Variants in TMPRSS12 observed in about 807,000 individuals in gnomAD.
TMPRSS12 encodes transmembrane protease serine 12.
Under a neutral mutation model 26.0 loss-of-function variants are expected in TMPRSS12, and 25 were observed. The observed-to-expected ratio is 0.96, with a 90% CI of 0.70 to 1.34. The LOEUF is 1.34. TMPRSS12 is among the 40% of genes most tolerant of loss of function. TMPRSS12 has a pLI of 0.00. For synonymous variants in TMPRSS12, 150 were observed against 161.7 expected, an observed-to-expected ratio of 0.93 and a Z score of 0.55; for missense variants, 441 against 440.1, an observed-to-expected ratio of 1.00 and a Z score of -0.02.
At chr12:50,850,070 G>A (rs1595597) in intron 2 of TMPRSS12, among the ~76,000 whole-genome samples, 147,685 of 152,258 alleles carry the variant, frequency 0.97, 71,808 homozygotes, top group East Asian at 1. Context: ...TATTATGTGT[G>A]TCACTACTAT....
At chr12:50,873,237 G>A (rs919534984) in intron 3 of TMPRSS12, among the ~76,000 whole-genome samples, 3 of 151,986 alleles carry the variant, frequency 2.0e-5, no homozygotes, top group African/African-American at 7.3e-5. Context: ...AGGGTGCAGT[G>A]TATACTTCTC....
At position 50,855,724 on chromosome 12, in the gene TMPRSS12, T is replaced by G. The variant is rs1412230618; in HGVS notation, c.384-3061T>G. ...TACTGGATATACACCTAAAGAAATA[T>G]AAATAATTCTACCATAAAGACACAT... On this transcript the variant is annotated intron_variant, in intron 2 of 4. Transcript: ENST00000398458. 2.6e-5 allele frequency among the ~76,000 whole-genome samples: 4 copies of G among 152,152 alleles called. No homozygotes were observed. In the East Asian group the frequency reaches 7.7e-4, roughly 29 times the overall value.
chr12:50,872,164 C>T (rs748691629), intron 3 of TMPRSS12, among the ~76,000 whole-genome samples: 7 of 152,150 alleles, frequency 4.6e-5, no homozygotes, highest in East Asian at 1.9e-4. Context: ...CAGCACAATT[C>T]GCAATTGCAG....
intron 3 of TMPRSS12, among the ~76,000 whole-genome samples, chr12:50,867,021 C>A (rs766232314): frequency 8.5e-5 from 13 of 152,144 alleles, no homozygotes; most frequent in Non-Finnish European, 1.8e-4. Context: ...CAGAGCCTAC[C>A]CAAATGAGAT....
At chr12:50,851,179 C>T (rs531214405) in intron 2 of TMPRSS12, among the ~76,000 whole-genome samples, 7 of 152,176 alleles carry the variant, frequency 4.6e-5, no homozygotes, top group Non-Finnish European at 8.8e-5. Flanking sequence ...ACTACAATAG[C>T]TCCCAAGTGA....
intron 3 of TMPRSS12, among the ~76,000 whole-genome samples, chr12:50,869,755 A>T (rs1025517523): frequency 6.6e-6 from 1 of 152,152 alleles, no homozygotes; most frequent in Non-Finnish European, 1.5e-5. Flanking sequence ...CCATAACAAA[A>T]TACTAGTTAA....
intron 3 of TMPRSS12, among the ~76,000 whole-genome samples, chr12:50,864,380 T>C (rs1937967880): frequency 6.6e-6 from 1 of 152,044 alleles, no homozygotes; most frequent in South Asian, 2.1e-4. Flanking sequence ...AACATACATA[T>C]CTAATATAAT....
intron 2 of TMPRSS12, among the ~76,000 whole-genome samples, chr12:50,847,292 C>T (rs1362603466): frequency 2.0e-5 from 3 of 151,580 alleles, no homozygotes; most frequent in African/African-American, 7.3e-5. Context: ...CTCCTGACCT[C>T]GTGATCCGCC....
In TMPRSS12 at chr12:50,885,696, C is replaced by G. The variant is rs2139740340; in HGVS notation, c.795+308C>G. On this transcript the variant is annotated intron_variant, in intron 4 of 4. Transcript: ENST00000398458. ...TATTTGAGATAGTCTCGCTTTGTCACCCATGCTGGAGTGCAGTGACACAAT... is the reference window on the plus strand; with the variant it reads ...TATTTGAGATAGTCTCGCTTTGTCAGCCATGCTGGAGTGCAGTGACACAAT... 2.4e-5 allele frequency: 14 copies of G among 576,258 alleles called. No individual in the cohort carries two copies. The South Asian group carries it at 3.0e-4, about 12-fold the overall frequency. The allele number at this position is 576,258 out of a possible 1,614,324, so 35.7% of individuals were successfully genotyped here.
At chr12:50,885,750 G>A in intron 4 of TMPRSS12, 1 of 470,298 alleles carries the variant, frequency 2.1e-6, no homozygotes, top group Non-Finnish European at 3.7e-6. Flanking sequence ...CTGCCTCCCA[G>A]GTTCAAGCGA....
At chr12:50,871,824 CAT>C (rs1938045802) in intron 3 of TMPRSS12, among the ~76,000 whole-genome samples, 1 of 151,634 alleles carries the variant, frequency 6.6e-6, no homozygotes. Context: ...GGCCAACAAA[CAT>C]ATGAAAAAAT....
In TMPRSS12 at chr12:50,875,581, C is replaced by T. The variant is rs181638741; in HGVS notation, c.653-9665C>T. 3.4e-3 allele frequency among the ~76,000 whole-genome samples: 519 copies of T among 151,398 alleles called. 2 individuals are homozygous for T. The highest frequency in any genetic ancestry group is 0.012 in the African/African-American group (480 of 41,244). The stretch of plus-strand genomic sequence containing the variant: ...ATTGTTACAAAAACAGACACATAGA[C>T]CAATAGAACAGAATAGACATCCCAG... On this transcript the variant is annotated intron_variant, in intron 3 of 4. Transcript: ENST00000398458.
At chr12:50,885,927 C>T (rs1423305293) in intron 4 of TMPRSS12, 1 of 161,122 alleles carries the variant, frequency 6.2e-6, no homozygotes, top group African/African-American at 2.4e-5. Context: ...CTTGGCCTCC[C>T]AAAGTGCTGG....
chr12:50,855,167 G>A (rs1937863783), intron 2 of TMPRSS12, among the ~76,000 whole-genome samples: 1 of 151,952 alleles, frequency 6.6e-6, no homozygotes, highest in Admixed American at 6.6e-5. Context: ...TGCTGGCAAG[G>A]ACATCATGAC....
intron 2 of TMPRSS12, among the ~76,000 whole-genome samples, chr12:50,853,640 T>C (rs1274673635): frequency 4.4e-5 from 5 of 113,894 alleles, no homozygotes; most frequent in African/African-American, 6.6e-5. Context: ...AAATCAGAAA[T>C]GACAAAGGGG....
At chr12:50,883,335 C>A (rs1298042860) in intron 3 of TMPRSS12, among the ~76,000 whole-genome samples, 1 of 151,576 alleles carries the variant, frequency 6.6e-6, no homozygotes, top group Non-Finnish European at 1.5e-5. Flanking sequence ...GACGCTGACT[C>A]AAAAAAAATA....
chr12:50,854,160 T>C (rs1479352218), intron 2 of TMPRSS12, among the ~76,000 whole-genome samples: 1 of 151,984 alleles, frequency 6.6e-6, no homozygotes, highest in African/African-American at 2.4e-5. Flanking sequence ...GGATGCAAAA[T>C]TGGTTCAACA....
At chr12:50,853,629 A>C (rs1338618213) in intron 2 of TMPRSS12, among the ~76,000 whole-genome samples, 1 of 151,726 alleles carries the variant, frequency 6.6e-6, no homozygotes, top group East Asian at 1.9e-4. Context: ...CCAAATAAAC[A>C]AAATCAGAAA....
In TMPRSS12 at chr12:50,872,572, C is replaced by CGT. The variant is rs1565935674; in HGVS notation, c.653-12674_653-12673insGT. On this transcript the variant is annotated intron_variant, in intron 3 of 4. Coordinates refer to ENST00000398458, the MANE Select transcript of TMPRSS12 (RefSeq NM_182559.3). ...CTGTGAAAAAAATATATATATATGCCATATATATGTACATATATATGACGT... is the reference window on the plus strand; with the variant it reads ...CTGTGAAAAAAATATATATATATGCCGTATATATATGTACATATATATGACGT... 2.7e-3 allele frequency among the ~76,000 whole-genome samples: 358 copies of CGT among 132,840 alleles called. 36 individuals carry two copies. The highest frequency in any genetic ancestry group is 0.011 in the African/African-American group (348 of 32,974). The allele number at this position is 132,840 out of a possible 152,430, so 87.1% of individuals were successfully genotyped here.
Sources: gnomAD v4.1 joint callset for allele counts (sites outside exome capture counted in the v4.1 genomes callset) on GRCh38, gnomAD v4.1.1 for gene constraint, MANE v1.5 for transcripts, NCBI Gene and HGNC (gene_info 2026-07-23, HGNC 2026-07-21) for gene names.